NALF1: variants seen among roughly 807,000 people sequenced by gnomAD.
NALF1 encodes NALCN channel auxiliary factor 1, also known as family with sequence similarity 155 member A.
NALF1 carries 3 observed loss-of-function variants against 48.4 expected under a neutral mutation model. The ratio of observed to expected loss-of-function variants is 0.06; its 90% CI spans 0.03 to 0.16. NALF1 has a LOEUF of 0.16. Ranked by LOEUF, NALF1 falls within the 10% of genes least tolerant of loss-of-function variation. NALF1 has a pLI of 1.00. For synonymous variants in NALF1, 262 were observed against 245.7 expected, an observed-to-expected ratio of 1.07 and a Z score of -0.62; for missense variants, 526 against 571.5, an observed-to-expected ratio of 0.92 and a Z score of 0.81.
At chr13:107,301,596 T>C (rs1490761907) in intron 1 of NALF1, among the ~76,000 whole-genome samples, 1 of 152,216 alleles carries the variant, frequency 6.6e-6, no homozygotes, top group Non-Finnish European at 1.5e-5. Context: ...GAATATTTTA[T>C]GGGATTATAT....
At chr13:107,842,610 T>C (rs1175109576) in intron 1 of NALF1, among the ~76,000 whole-genome samples, 1 of 151,468 alleles carries the variant, frequency 6.6e-6, no homozygotes, top group East Asian at 1.9e-4. Context: ...TATATTTAAA[T>C]AAGCTTGGAG....
intron 1 of NALF1, among the ~76,000 whole-genome samples, chr13:107,220,550 A>G (rs890432278): frequency 2.0e-5 from 3 of 152,212 alleles, no homozygotes; most frequent in Admixed American, 6.5e-5. Flanking sequence ...CTGTCTGTTA[A>G]TCCCACATTT....
At chr13:107,480,601 A>G (rs1489268101) in intron 1 of NALF1, among the ~76,000 whole-genome samples, 1 of 152,184 alleles carries the variant, frequency 6.6e-6, no homozygotes, top group Non-Finnish European at 1.5e-5. Flanking sequence ...AAATCCCCCC[A>G]AAAAGTCTCA....
At chr13:107,248,209 G>T (rs1880622009) in intron 1 of NALF1, among the ~76,000 whole-genome samples, 1 of 150,894 alleles carries the variant, frequency 6.6e-6, no homozygotes, top group African/African-American at 2.4e-5. Flanking sequence ...AACAGCAAAG[G>T]AGATCGTCAT....
intron 1 of NALF1, among the ~76,000 whole-genome samples, chr13:107,402,092 T>G (rs1198494315): frequency 6.6e-6 from 1 of 150,854 alleles, no homozygotes; most frequent in Non-Finnish European, 1.5e-5. Flanking sequence ...GGGATGTCCT[T>G]TCCCTTCTTA....
At chr13:107,688,222 T>C (rs938358634) in intron 1 of NALF1, among the ~76,000 whole-genome samples, 4 of 152,174 alleles carry the variant, frequency 2.6e-5, no homozygotes, top group East Asian at 1.9e-4. Flanking sequence ...AGGCTCAGAA[T>C]AGTTCATTAA....
chr13:107,201,568 T>C (rs1879521352), intron 2 of NALF1, among the ~76,000 whole-genome samples: 1 of 151,952 alleles, frequency 6.6e-6, no homozygotes, highest in African/African-American at 2.4e-5. Flanking sequence ...CAGAGCGAAA[T>C]TCTGTCTCAA....
rs1037598641 is a variant in NALF1, at chr13:107,809,255, C to T, written c.915+56427G>A. Among the ~76,000 whole-genome samples the T allele has an allele frequency of 3.3e-5, 5 of 152,086 alleles. No individual in the cohort carries two copies. In the East Asian group the frequency reaches 9.7e-4, roughly 29 times the overall value. ...GGCCATGACCTAAATATGTTTTTAC[C>T]TAGACGTGGACAAGGCTGTTTTAAC... On this transcript the variant is annotated intron_variant, in intron 1 of 2. Transcript: ENST00000375915.
intron 1 of NALF1, among the ~76,000 whole-genome samples, chr13:107,262,769 G>GTGCTCT (rs1555329322): frequency 1.4e-5 from 2 of 144,036 alleles, no homozygotes; most frequent in East Asian, 2.1e-4. Flanking sequence ...ACCCACAGGC[G>GTGCTCT]CTCTCTCTCT....
chr13:107,343,376 G>T (rs1204048934), intron 1 of NALF1, among the ~76,000 whole-genome samples: 1 of 152,170 alleles, frequency 6.6e-6, no homozygotes, highest in South Asian at 2.1e-4. Context: ...GGACCCAGTG[G>T]GAGGTGATTG....
At chr13:107,420,052 C>T (rs565871816) in intron 1 of NALF1, among the ~76,000 whole-genome samples, 2 of 152,110 alleles carry the variant, frequency 1.3e-5, no homozygotes, top group South Asian at 2.1e-4. Flanking sequence ...TTGCCTCTTA[C>T]TTTCTATTTC....
intron 1 of NALF1, among the ~76,000 whole-genome samples, chr13:107,216,323 T>A (rs1879872849): frequency 6.6e-6 from 1 of 152,248 alleles, no homozygotes; most frequent in Non-Finnish European, 1.5e-5. Context: ...CACGTTCCTA[T>A]GTCTGAATGT....
intron 1 of NALF1, among the ~76,000 whole-genome samples, chr13:107,350,380 T>C (rs1047825593): frequency 2.0e-5 from 3 of 152,244 alleles, no homozygotes; most frequent in African/African-American, 4.8e-5. Flanking sequence ...AGCAGGTGTA[T>C]TTTAAGTGCT....
intron 1 of NALF1, among the ~76,000 whole-genome samples, chr13:107,382,722 A>T (rs995702502): frequency 1.3e-5 from 2 of 152,074 alleles, no homozygotes; most frequent in African/African-American, 4.8e-5. Context: ...ATACTTAGAG[A>T]GTGCTGATTG....
At position 107,715,169 on chromosome 13, in the gene NALF1, A is replaced by G. The variant is rs546933011; in HGVS notation, c.915+150513T>C. On this transcript the variant is annotated intron_variant, in intron 1 of 2. Transcript: ENST00000375915. ...CCAATTCTACTCTTTCAGTTATTGT[A>G]AAATATTTTTATAATAATTTCTTTC... Among the ~76,000 whole-genome samples, 4 of 152,126 alleles carry G rather than the reference A, an allele frequency of 2.6e-5. No individual in the cohort carries two copies. In the South Asian group the frequency reaches 6.2e-4, roughly 24 times the overall value.
intron 1 of NALF1, among the ~76,000 whole-genome samples, chr13:107,409,063 G>GA (rs1166788660): frequency 6.6e-6 from 1 of 152,134 alleles, no homozygotes; most frequent in East Asian, 1.9e-4. Context: ...TCAGTTTTAT[G>GA]TTGAAAGGAG....
At chr13:107,532,334 T>C (rs1876665178) in intron 1 of NALF1, among the ~76,000 whole-genome samples, 1 of 152,092 alleles carries the variant, frequency 6.6e-6, no homozygotes, top group South Asian at 2.1e-4. Context: ...GAAATTTCAA[T>C]GATTTTTGTT....
At chr13:107,496,625 G>T (rs1043284572) in intron 1 of NALF1, among the ~76,000 whole-genome samples, 1 of 152,128 alleles carries the variant, frequency 6.6e-6, no homozygotes, top group African/African-American at 2.4e-5. Context: ...TATTGGAAAA[G>T]GAAATGTATT....
At chr13:107,382,627 C>T (rs1273300121) in intron 1 of NALF1, among the ~76,000 whole-genome samples, 2 of 152,068 alleles carry the variant, frequency 1.3e-5, no homozygotes, top group Non-Finnish European at 2.9e-5. Context: ...ATCTGAGATC[C>T]CACATGTTTT....
Sources: gnomAD v4.1 joint callset for allele counts (sites outside exome capture counted in the v4.1 genomes callset) on GRCh38, gnomAD v4.1.1 for gene constraint, MANE v1.5 for transcripts, NCBI Gene and HGNC (gene_info 2026-07-23, HGNC 2026-07-21) for gene names.